The following NRG1 variants were observed in gnomAD, a reference collection of about 807,000 sequenced individuals.
The protein encoded by NRG1 is pro-neuregulin-1, membrane-bound isoform.
Under a neutral mutation model 63.8 loss-of-function variants are expected in NRG1, and 18 were observed. The observed-to-expected ratio is 0.28, with a 90% confidence interval of 0.19 to 0.42. The LOEUF (loss-of-function observed/expected upper bound fraction) is 0.42. Ranked by LOEUF, NRG1 falls within the 10% of genes least tolerant of loss-of-function variation. NRG1 has a pLI of 1.00. For missense variants in NRG1, 762 were observed against 814.7 expected (o/e 0.94, Z 0.79); for synonymous variants, 302 against 301.3 (o/e 1.00, Z -0.02).
intron 1 of NRG1, among the ~76,000 whole-genome samples, chr8:32,408,085 A>G (rs1435340993): frequency 1.3e-5 from 2 of 152,212 alleles, no homozygotes; most frequent in Admixed American, 6.5e-5. Context: ...ATGTTCCTCC[A>G]TAACTCATCA....
chr8:32,425,921 G>T (rs6980648), intron 1 of NRG1, among the ~76,000 whole-genome samples: 2,168 of 152,256 alleles, frequency 0.014, 55 homozygotes, highest in African/African-American at 0.049. Context: ...TCCTTTGCTA[G>T]AAACAGTTTC....
rs953091558 is a variant in NRG1 at position 32,687,393 on chromosome 8, A to G, written c.503-40556A>G. Among the ~76,000 whole-genome samples, 14 of 152,224 alleles carry G rather than the reference A, an allele frequency of 9.2e-5. No homozygotes were observed. The East Asian group carries it at 2.7e-3, about 29-fold the overall frequency. ...TTGAAAGAAACTGCAACAGAGCACT[A>G]TCTTCTGAAGTCACTTGAAGTTATC... On this transcript the variant is annotated intron_variant, in intron 5 of 11. Transcript: ENST00000356819.
intron 1 of NRG1, among the ~76,000 whole-genome samples, chr8:31,876,759 T>C (rs1007048206): frequency 6.6e-6 from 1 of 152,200 alleles, no homozygotes; most frequent in Non-Finnish European, 1.5e-5. Context: ...TCTCACTCTC[T>C]TAAAGAAGGG....
chr8:31,891,893 C>T (rs548103170), intron 1 of NRG1, among the ~76,000 whole-genome samples: 1 of 152,128 alleles, frequency 6.6e-6, no homozygotes, highest in African/African-American at 2.4e-5. Flanking sequence ...GTGAGAAAGG[C>T]CAATCTCAAA....
intron 1 of NRG1, among the ~76,000 whole-genome samples, chr8:31,989,038 C>T (rs1049651553): frequency 1.3e-5 from 2 of 151,714 alleles, no homozygotes; most frequent in South Asian, 2.1e-4. Context: ...CGCCTGATGT[C>T]GGGAGTTTCA....
At chr8:32,484,277 T>A (rs1825662433) in intron 1 of NRG1, among the ~76,000 whole-genome samples, 1 of 152,148 alleles carries the variant, frequency 6.6e-6, no homozygotes, top group African/African-American at 2.4e-5. Flanking sequence ...TACAAACTAC[T>A]GAACATCCAC....
At chr8:32,773,415 G>A (rs974275739) in intron 7 of NRG1, among the ~76,000 whole-genome samples, 3 of 152,082 alleles carry the variant, frequency 2.0e-5, no homozygotes, top group Admixed American at 6.6e-5. Context: ...GGTTCCACTC[G>A]GGGTCAAAAT....
At chr8:32,168,486 C>T (rs753579136) in intron 1 of NRG1, among the ~76,000 whole-genome samples, 1 of 152,168 alleles carries the variant, frequency 6.6e-6, no homozygotes, top group Non-Finnish European at 1.5e-5. Flanking sequence ...TTGTGGAAAT[C>T]TGGAGCTGGC....
intron 1 of NRG1, among the ~76,000 whole-genome samples, chr8:32,354,546 T>A (rs905982260): frequency 3.9e-5 from 6 of 152,038 alleles, no homozygotes; most frequent in African/African-American, 1.4e-4. Flanking sequence ...TGGGATTGTG[T>A]TGATGGCTTA....
intron 1 of NRG1, among the ~76,000 whole-genome samples, chr8:32,247,611 A>G (rs1463037667): frequency 2.0e-5 from 3 of 152,100 alleles, no homozygotes; most frequent in Non-Finnish European, 4.4e-5. Context: ...GGAGATTGGG[A>G]CACTTTACTA....
intron 1 of NRG1, among the ~76,000 whole-genome samples, chr8:32,211,313 T>G (rs1165865071): frequency 6.6e-6 from 1 of 152,214 alleles, no homozygotes; most frequent in Non-Finnish European, 1.5e-5. Context: ...TATTTAATCA[T>G]TCACTAGTTG....
At chr8:32,033,955 T>C (rs1808165243) in intron 1 of NRG1, among the ~76,000 whole-genome samples, 1 of 152,218 alleles carries the variant, frequency 6.6e-6, no homozygotes, top group Non-Finnish European at 1.5e-5. Flanking sequence ...TCTCTTTGCC[T>C]GATTGCTCTG....
intron 1 of NRG1, among the ~76,000 whole-genome samples, chr8:32,222,884 C>T (rs1845970631): frequency 6.6e-6 from 1 of 152,206 alleles, no homozygotes; most frequent in South Asian, 2.1e-4. Flanking sequence ...TAAGTAGATT[C>T]TATTTCCATT....
At chr8:32,054,916 C>T (rs1822653428) in intron 1 of NRG1, among the ~76,000 whole-genome samples, 1 of 109,830 alleles carries the variant, frequency 9.1e-6, no homozygotes, top group Non-Finnish European at 1.7e-5. Flanking sequence ...TGAGATGAGT[C>T]TCGCTCTGTC....
chr8:31,731,016 C>T (rs1014672710), intron 1 of NRG1, among the ~76,000 whole-genome samples: 2 of 151,936 alleles, frequency 1.3e-5, no homozygotes, highest in Non-Finnish European at 1.5e-5. Context: ...CGGTTTTTCT[C>T]CTTCGAGGAG....
At chr8:31,912,170 C>G (rs1046038376) in intron 1 of NRG1, among the ~76,000 whole-genome samples, 3 of 152,170 alleles carry the variant, frequency 2.0e-5, no homozygotes, top group Non-Finnish European at 2.9e-5. Context: ...GGGCCAAATG[C>G]AATCATGTAT....
intron 1 of NRG1, among the ~76,000 whole-genome samples, chr8:31,697,025 C>T (rs555970971): frequency 7.2e-4 from 110 of 152,254 alleles, no homozygotes; most frequent in Non-Finnish European, 1.2e-3. Flanking sequence ...TATCCAGATA[C>T]GTTGACTTTG....
rs540856490 is a variant in NRG1 at position 31,916,159 on chromosome 8, A to G, written c.37+276728A>G. 9.8e-5 allele frequency among the ~76,000 whole-genome samples: 15 copies of G among 152,310 alleles called. No homozygotes were observed. In the South Asian group the frequency reaches 2.1e-3, roughly 21 times the overall value. The stretch of plus-strand genomic sequence containing the variant: ...CTACATTATCTAAAAGTATGTTCCC[A>G]TGGAAAATTATATAATAGGCTTAGT... On this transcript the variant is annotated intron_variant, in intron 1 of 10. Coordinates refer to the NRG1 transcript ENST00000519301.
At chr8:31,982,616 G>A (rs1809335237) in intron 1 of NRG1, among the ~76,000 whole-genome samples, 1 of 152,006 alleles carries the variant, frequency 6.6e-6, no homozygotes, top group South Asian at 2.1e-4. Flanking sequence ...GAGGCAGGTA[G>A]GGGCCAAATT....
Sources: allele counts gnomAD v4.1 joint callset (sites outside exome capture counted in the v4.1 genomes callset), GRCh38; gene constraint gnomAD v4.1.1; transcripts MANE v1.5; gene names NCBI Gene and HGNC (gene_info 2026-07-23, HGNC 2026-07-21).